RMC1: variants seen among roughly 807,000 people sequenced by gnomAD.
The protein encoded by RMC1 is regulator of MON1-CCZ1 complex.
Under a neutral mutation model 95.5 loss-of-function variants are expected in RMC1, and 44 were observed. The ratio of observed to expected loss-of-function variants is 0.46; its 90% CI spans 0.36 to 0.59. The LOEUF (loss-of-function observed/expected upper bound fraction) is 0.59, where lower values mean the gene tolerates loss of function less well. RMC1 is among the 20% of genes least tolerant of loss of function. The pLI, the probability that RMC1 is intolerant of heterozygous loss-of-function variation, is 0.00. For synonymous variants in RMC1, 320 were observed against 303.6 expected, an observed-to-expected ratio of 1.05 and a Z score of -0.56; for missense variants, 705 against 819.6, an observed-to-expected ratio of 0.86 and a Z score of 1.71.
rs752124464 is a variant in RMC1, at chr18:23,520,207, G to A, written c.855G>A (p.Ser285=). The A allele has an allele frequency of 7.4e-6, 12 of 1,613,404 alleles. No homozygotes were observed. The highest frequency in any genetic ancestry group is 2.2e-5 in the East Asian group (1 of 44,884). The change falls in exon 10 of 20, where the codon TCG becomes TCA. Residue 285 remains serine, a synonymous_variant. Coordinates refer to ENST00000269221, the MANE Select transcript of RMC1 (RefSeq NM_013326.5). ...CTTGTCTTTTTCCCCCCCAGACATC[G>A]GTAATATTCGATATCAAGTTACGGG... ...VVVHHQDTET[S]VIFDIKLRGE...
rs1340355442 is a variant in RMC1 at position 23,519,089 on chromosome 18, T to C, written c.764T>C (p.Met255Thr). 2 of 1,614,068 alleles carry C rather than the reference T, an allele frequency of 1.2e-6. No homozygotes were observed. The highest frequency in any genetic ancestry group is 2.2e-5 in the East Asian group (1 of 44,904). ...TACAGAGAAGGTGCCTGTAAAAAGATGCACATATTGAAGTTAAATAGGACG... is the reference window on the plus strand; with the variant it reads ...TACAGAGAAGGTGCCTGTAAAAAGACGCACATATTGAAGTTAAATAGGACG... ...HLPREGACKK[M>T]HILKLNRTGK... is the part of the protein sequence containing the mutation. The change falls in exon 9 of 20, where the codon ATG becomes ACG. Residue 255 changes from methionine (M) to threonine (T), a missense_variant. Transcript: ENST00000269221.
chr18:23,516,378 C>A lies in RMC1; in HGVS notation c.608C>A (p.Ser203Ter). 1 of 1,614,236 alleles carries A rather than the reference C, an allele frequency of 6.2e-7. No homozygotes were observed. The highest frequency in any genetic ancestry group is 8.5e-7 in the Non-Finnish European group (1 of 1,180,038). The change falls in exon 7 of 20, where the codon TCA (serine) becomes TAA (stop). Residue 203 changes from serine to a stop codon, truncating the protein, a stop_gained. Coordinates refer to ENST00000269221, the MANE Select transcript of RMC1 (RefSeq NM_013326.5). LOFTEE classifies it high-confidence loss of function. ...FEIELPAAPK[S>*]TKPSLSERDI... Reference sequence around the variant, plus strand: ...ATTGAATTACCAGCTGCGCCTAAGTCAACTAAACCCAGCCTTTCCGAAAGA... The same window carrying A: ...ATTGAATTACCAGCTGCGCCTAAGTAAACTAAACCCAGCCTTTCCGAAAGA...
intron 4 of RMC1, 111 bp from the exon 5 acceptor site, chr18:23,509,082 C>T (rs1003438671): frequency 2.8e-5 from 11 of 386,464 alleles, no homozygotes; most frequent in Middle Eastern, 7.3e-4. Context: ...GTAAACATTC[C>T]GGGGAACGTT....
intron 5 of RMC1, among the ~76,000 whole-genome samples, chr18:23,510,213 A>G (rs2057816454): frequency 6.6e-6 from 1 of 151,556 alleles, no homozygotes; most frequent in African/African-American, 2.4e-5. Context: ...AGTCCCAGCT[A>G]CTTGGGAGGC....
intron 19 of RMC1, among the ~76,000 whole-genome samples, chr18:23,531,030 C>T (rs759923188): frequency 2.0e-5 from 3 of 152,010 alleles, no homozygotes; most frequent in African/African-American, 4.8e-5. Context: ...AGTCTCGCTC[C>T]GTTGCCCAGG....
intron 14 of RMC1, chr18:23,528,747 C>T (rs2058384832): frequency 1.3e-5 from 2 of 158,624 alleles, no homozygotes; most frequent in Non-Finnish European, 2.8e-5. Context: ...ACACGGTCTG[C>T]TGGGCTCCAT....
Position 23,506,996 on chromosome 18 carries a change from G to A in RMC1, c.206G>A (p.Cys69Tyr). Residue 69 changes from cysteine (C) to tyrosine (Y), a missense_variant, in exon 3 of 20, where the codon TGC (cysteine) becomes TAC (tyrosine). Physicochemically the swap from Cys to Tyr is radical, Grantham distance 194. Transcript: ENST00000269221. ...ATGGATGACAAAGGAGAAGTGAAGT[G>A]CATTAAGTTTTCCTTAGAAAATAAG... is the stretch of plus-strand genomic sequence containing the variant. ...FRMDDKGEVK[C>Y]IKFSLENKIL... The A allele has an allele frequency of 1.2e-6, 2 of 1,608,912 alleles. No homozygotes were observed. Among genetic ancestry groups the A allele is most frequent in the Non-Finnish European group, 1.7e-6 (2 of 1,177,470 alleles).
At chr18:23,518,300 G>A (rs182671514) in intron 7 of RMC1, among the ~76,000 whole-genome samples, 4 of 152,266 alleles carry the variant, frequency 2.6e-5, no homozygotes, top group African/African-American at 7.2e-5. Context: ...AGACCAGCCC[G>A]GGCAACATAG....
At chr18:23,523,137 G>A (rs564284158) in intron 10 of RMC1, among the ~76,000 whole-genome samples, 1 of 152,290 alleles carries the variant, frequency 6.6e-6, no homozygotes, top group African/African-American at 2.4e-5. Context: ...AGTGCTCTTC[G>A]CCAAAGCTTG....
chr18:23,504,904 A>G (rs548034675), intron 2 of RMC1, among the ~76,000 whole-genome samples: 3 of 152,290 alleles, frequency 2.0e-5, no homozygotes, highest in South Asian at 2.1e-4. Context: ...AGGTTTAATG[A>G]TCAACAGCAG....
intron 14 of RMC1, chr18:23,528,843 A>G: frequency 5.4e-6 from 1 of 183,734 alleles, no homozygotes; most frequent in South Asian, 1.1e-4. Context: ...TTCTCAGGCT[A>G]CACCCCACAG....
At chr18:23,522,810 GTTT>G (rs1165406480) in intron 10 of RMC1, 4 of 152,364 alleles carry the variant, frequency 2.6e-5, no homozygotes, top group African/African-American at 4.8e-5. Flanking sequence ...CTCTCCTTTT[GTTT>G]CCTGCTGGGC....
At chr18:23,514,029 G>T (rs1468669652) in intron 5 of RMC1, among the ~76,000 whole-genome samples, 2 of 152,124 alleles carry the variant, frequency 1.3e-5, no homozygotes, top group Admixed American at 6.6e-5. Flanking sequence ...CTTTTCATCT[G>T]TTCCAGCTTC....
intron 13 of RMC1, among the ~76,000 whole-genome samples, chr18:23,527,511 G>A (rs544395504): frequency 2.7e-5 from 4 of 149,688 alleles, no homozygotes; most frequent in South Asian, 2.1e-4. Context: ...AACTCCCAGC[G>A]TTAAGTGATC....
chr18:23,527,200 A>G (rs2058323928), intron 13 of RMC1, among the ~76,000 whole-genome samples: 1 of 147,292 alleles, frequency 6.8e-6, no homozygotes, highest in Non-Finnish European at 1.5e-5. Context: ...CCTGGACGAC[A>G]ACATGGCAAA....
In RMC1 at chr18:23,518,742, G is replaced by A. The variant is rs2058072089; in HGVS notation, c.654-148G>A. On this transcript the variant is annotated intron_variant, in intron 7 of 19. Coordinates refer to ENST00000269221, the MANE Select transcript of RMC1 (RefSeq NM_013326.5). ...CACTTAACTTTATAATAGGCTTTGA[G>A]TAACTGCATGTTTCTTTGTAAACAC... 8 of 643,270 alleles carry A rather than the reference G, an allele frequency of 1.2e-5. No individual in the cohort carries two copies. The East Asian group carries it at 1.6e-4, about 13-fold the overall frequency. 39.8% of individuals were successfully genotyped at this position (643,270 alleles called of 1,614,324 possible).
intron 2 of RMC1, chr18:23,506,625 T>C (rs1273923576): frequency 1.9e-5 from 5 of 260,172 alleles, no homozygotes; most frequent in African/African-American, 9.4e-5. Flanking sequence ...AAGTAGATAG[T>C]TCTTTCCAGA....
intron 5 of RMC1, among the ~76,000 whole-genome samples, chr18:23,510,882 G>A (rs1331731859): frequency 6.6e-6 from 1 of 152,238 alleles, no homozygotes; most frequent in East Asian, 1.9e-4. Flanking sequence ...TGCTGGGAGT[G>A]TAAATTAGTT....
intron 10 of RMC1, among the ~76,000 whole-genome samples, chr18:23,520,593 G>C (rs1414047825): frequency 6.6e-6 from 1 of 151,920 alleles, no homozygotes; most frequent in African/African-American, 2.4e-5. Flanking sequence ...CCAAGTAGTG[G>C]GGATTACAGG....
Sources: gnomAD v4.1 joint callset for allele counts (sites outside exome capture counted in the v4.1 genomes callset) on GRCh38, gnomAD v4.1.1 for gene constraint, MANE v1.5 for transcripts, NCBI Gene and HGNC (gene_info 2026-07-23, HGNC 2026-07-21) for gene names.